TOX2: variants seen among roughly 807,000 people sequenced by gnomAD.
TOX2 encodes granulosa cell HMG box 1.
TOX2 carries 15 observed loss-of-function variants against 47.4 expected under a neutral mutation model. The observed-to-expected ratio is 0.32, with a 90% CI of 0.21 to 0.49. TOX2 has a LOEUF of 0.49. Ranked by LOEUF, TOX2 falls within the 20% of genes least tolerant of loss-of-function variation. The pLI is 0.99. For missense variants in TOX2, 622 were observed against 673.1 expected (o/e 0.92, Z 0.84); for synonymous variants, 290 against 296.6 (o/e 0.98, Z 0.23).
At position 44,042,228 on chromosome 20, in the gene TOX2, G is replaced by T. The variant is rs113784188; in HGVS notation, c.412-9078G>T. 4.1e-3 allele frequency among the ~76,000 whole-genome samples: 624 copies of T among 152,286 alleles called. 3 individuals are homozygous for T. The highest frequency in any genetic ancestry group is 0.014 in the African/African-American group (590 of 41,552). On this transcript the variant is annotated intron_variant, in intron 3 of 8. Coordinates refer to ENST00000341197, the MANE Select transcript of TOX2 (RefSeq NM_001098797.2). ...ATAAAACCATCAGATCTCATGAGAC[G>T]TATTCACTATCACAAGAACAGCACA...
chr20:43,963,804 T>G (rs972008202), intron 1 of TOX2, among the ~76,000 whole-genome samples: 1 of 152,150 alleles, frequency 6.6e-6, no homozygotes, highest in Non-Finnish European at 1.5e-5. Flanking sequence ...ATTTGCAAAT[T>G]TTATTTCAAA....
chr20:44,054,736 T>C (rs2071588154), intron 5 of TOX2, among the ~76,000 whole-genome samples: 1 of 152,056 alleles, frequency 6.6e-6, no homozygotes, highest in Admixed American at 6.5e-5. Flanking sequence ...ACTTAACCAC[T>C]CTGAACCTCT....
chr20:43,952,851 C>G (rs531523429), intron 1 of TOX2, among the ~76,000 whole-genome samples: 2 of 152,268 alleles, frequency 1.3e-5, no homozygotes, highest in Admixed American at 1.3e-4. Context: ...CTAAGTATAG[C>G]TAGGTCCTAA....
chr20:43,931,096 A>C (rs998942342), intron 1 of TOX2, among the ~76,000 whole-genome samples: 1 of 152,100 alleles, frequency 6.6e-6, no homozygotes, highest in Non-Finnish European at 1.5e-5. Context: ...CTCTGGTTTT[A>C]GTGTTTCCCA....
At chr20:44,059,366 T>TATGTTAA (rs2071677007) in intron 5 of TOX2, among the ~76,000 whole-genome samples, 1 of 152,120 alleles carries the variant, frequency 6.6e-6, no homozygotes, top group African/African-American at 2.4e-5. Flanking sequence ...AGTTTGGGAT[T>TATGTTAA]ATGTTAAATG....
intron 1 of TOX2, among the ~76,000 whole-genome samples, chr20:43,928,240 A>G (rs1159591592): frequency 6.6e-6 from 1 of 152,234 alleles, no homozygotes; most frequent in Non-Finnish European, 1.5e-5. Context: ...CGTATACAAA[A>G]TGTGATGAGC....
At chr20:43,940,017 A>C (rs1290380907) in intron 1 of TOX2, among the ~76,000 whole-genome samples, 4 of 152,168 alleles carry the variant, frequency 2.6e-5, no homozygotes, top group African/African-American at 9.7e-5. Context: ...GGACTTGTTC[A>C]TCTGGATAGT....
rs149062403 is a variant in TOX2 at position 44,051,448 on chromosome 20, G to C, written c.554G>C (p.Ser185Thr). 2.3e-4 allele frequency: 378 copies of C among 1,613,996 alleles called. No individual in the cohort carries two copies. The Middle Eastern group carries it at 2.6e-3, about 11-fold the overall frequency. The change falls in exon 4 of 9, where the codon AGC (serine) becomes ACC (threonine). Residue 185 changes from serine to threonine, a missense_variant. Ser to Thr is a moderately conservative substitution (Grantham distance 58). Coordinates refer to ENST00000341197, the MANE Select transcript of TOX2 (RefSeq NM_001098797.2). ...ATCTCGCAGATGGGCATCCGGAGCA[G>C]CATCGCCCACAGCTCCCCATCACCG... Reference protein sequence around the residue: ...QLISQMGIRSSIAHSSPSPPG... With the variant: ...QLISQMGIRSTIAHSSPSPPG...
intron 3 of TOX2, among the ~76,000 whole-genome samples, chr20:44,027,260 G>A (rs189500280): frequency 8.4e-4 from 126 of 149,936 alleles, no homozygotes; most frequent in African/African-American, 3.0e-3. Flanking sequence ...GTTTTAATTA[G>A]CACATGTGCC....
chr20:43,987,519 A>G (rs1016426433), intron 2 of TOX2, among the ~76,000 whole-genome samples: 1 of 152,196 alleles, frequency 6.6e-6, no homozygotes, highest in African/African-American at 2.4e-5. Flanking sequence ...GTTGTATTCT[A>G]TGCTTCAATA....
intron 1 of TOX2, among the ~76,000 whole-genome samples, chr20:43,917,606 C>T (rs1443581044): frequency 1.3e-5 from 2 of 152,114 alleles, no homozygotes; most frequent in Non-Finnish European, 2.9e-5. Context: ...TCTTGGCGAC[C>T]GTCCCCTTGG....
intron 2 of TOX2, among the ~76,000 whole-genome samples, chr20:43,988,072 A>G (rs1040590440): frequency 6.6e-6 from 1 of 151,842 alleles, no homozygotes; most frequent in Non-Finnish European, 1.5e-5. Flanking sequence ...GGCACATGCT[A>G]CCACACCCAG....
chr20:43,977,470 C>T (rs1246524449), intron 2 of TOX2, among the ~76,000 whole-genome samples: 1 of 152,150 alleles, frequency 6.6e-6, no homozygotes, highest in Non-Finnish European at 1.5e-5. Flanking sequence ...CCTGAGATGC[C>T]ATCTTCTTTA....
chr20:44,003,943 C>G (rs934388226), intron 2 of TOX2, among the ~76,000 whole-genome samples: 1 of 152,174 alleles, frequency 6.6e-6, no homozygotes, highest in Non-Finnish European at 1.5e-5. Context: ...TGATGATCAT[C>G]TTGACAGAGA....
At chr20:44,039,284 C>T in intron 3 of TOX2, 1 of 1,289,332 alleles carries the variant, frequency 7.8e-7, no homozygotes, top group Non-Finnish European at 1.0e-6. Context: ...AGAGAGAAGC[C>T]CACATGTCCC....
chr20:43,979,206 C>A (rs538643741), intron 2 of TOX2, among the ~76,000 whole-genome samples: 1 of 152,120 alleles, frequency 6.6e-6, no homozygotes. Context: ...AAATCTTGAG[C>A]TCATAAGAGA....
At chr20:43,927,665 CTT>C (rs1288550236) in intron 1 of TOX2, among the ~76,000 whole-genome samples, 9 of 120,142 alleles carry the variant, frequency 7.5e-5, no homozygotes, top group Admixed American at 2.6e-4. Context: ...CTTCCCCTTC[CTT>C]CCTTCCTTTC....
At position 44,014,128 on chromosome 20, in the gene TOX2, CAAA is replaced by C. The variant is rs55721806; in HGVS notation, c.411+7361_411+7363del. On this transcript the variant is annotated intron_variant, in intron 3 of 8. Transcript: ENST00000341197. ...CGTGGGTGACAGAGTGAGACTATCT[CAAA>C]AAAAAAAAAAAAAAAAAAAAAAAAG... 9.0e-3 allele frequency among the ~76,000 whole-genome samples: 482 copies of C among 53,514 alleles called. 1 individual carries two copies. The highest frequency in any genetic ancestry group is 0.048 in the Middle Eastern group (2 of 42). 35.1% of individuals were successfully genotyped at this position (53,514 alleles called of 152,430 possible).
At chr20:44,059,992 T>C (rs1392260108) in intron 5 of TOX2, among the ~76,000 whole-genome samples, 1 of 152,158 alleles carries the variant, frequency 6.6e-6, no homozygotes, top group Non-Finnish European at 1.5e-5. Context: ...CAACTGAGTA[T>C]CTGCTGTCTT....
Sources: allele counts gnomAD v4.1 joint callset (sites outside exome capture counted in the v4.1 genomes callset), GRCh38; gene constraint gnomAD v4.1.1; transcripts MANE v1.5; gene names NCBI Gene and HGNC (gene_info 2026-07-23, HGNC 2026-07-21).